Variants in SLC1A6 observed in about 807,000 individuals in gnomAD.
SLC1A6 encodes excitatory amino acid transporter 4.
In SLC1A6, 15 loss-of-function variants were observed where a neutral mutation model predicts 42.1. The observed-to-expected ratio is 0.36, with a 90% CI of 0.24 to 0.55. The LOEUF (loss-of-function observed/expected upper bound fraction) is 0.55. Ranked by LOEUF, SLC1A6 falls within the 20% of genes least tolerant of loss-of-function variation. The pLI is 0.88. For missense variants in SLC1A6, 542 were observed against 772.5 expected (o/e 0.70, Z 3.54); for synonymous variants, 317 against 319.7 (o/e 0.99, Z 0.09).
intron 1 of SLC1A6, among the ~76,000 whole-genome samples, chr19:14,995,145 C>A (rs1375672479): frequency 6.6e-6 from 1 of 151,476 alleles, no homozygotes; most frequent in African/African-American, 2.4e-5. Flanking sequence ...GCCAATATGG[C>A]GAAACTCCGT....
intron 1 of SLC1A6, among the ~76,000 whole-genome samples, chr19:15,008,843 CG>C (rs1439116717): frequency 3.5e-5 from 3 of 85,660 alleles, no homozygotes; most frequent in East Asian, 6.2e-4. Flanking sequence ...AAATAATTCG[CG>C]TTTTTTTTTT....
intron 9 of SLC1A6, among the ~76,000 whole-genome samples, chr19:14,951,109 G>T (rs2045407189): frequency 6.8e-6 from 1 of 147,592 alleles, no homozygotes; most frequent in African/African-American, 2.5e-5. Context: ...AATTAGCTGG[G>T]CATGGTGGCA....
chr19:14,986,603 T>C (rs2145228646), intron 1 of SLC1A6, among the ~76,000 whole-genome samples: 1 of 151,998 alleles, frequency 6.6e-6, no homozygotes, highest in African/African-American at 2.4e-5. Flanking sequence ...GGCTTTTTTT[T>C]TTTTTAAGAC....
At chr19:14,973,123 G>A (rs1347533932) in intron 1 of SLC1A6, 3 of 562,756 alleles carry the variant, frequency 5.3e-6, no homozygotes, top group Admixed American at 3.3e-5. Context: ...GTTCAAGACT[G>A]GCCTGGGCAG....
chr19:15,010,094 G>A (rs952358830), intron 1 of SLC1A6, among the ~76,000 whole-genome samples: 8 of 151,168 alleles, frequency 5.3e-5, no homozygotes, highest in Admixed American at 4.6e-4. Context: ...ACTGAGGCAG[G>A]AGAATCTCTT....
intron 1 of SLC1A6, among the ~76,000 whole-genome samples, chr19:14,998,699 A>C (rs2045858561): frequency 6.6e-6 from 1 of 152,130 alleles, no homozygotes; most frequent in African/African-American, 2.4e-5. Flanking sequence ...TTACTCTAAA[A>C]TGTATTTCTT....
chr19:14,965,551 T>C (rs372627735), intron 4 of SLC1A6, among the ~76,000 whole-genome samples: 84 of 152,066 alleles, frequency 5.5e-4, no homozygotes, highest in African/African-American at 2.0e-3. Flanking sequence ...TACTCAGCCA[T>C]GAAAAAGAAT....
chr19:15,010,636 T>C, upstream of SLC1A6: 1 of 669,842 alleles, frequency 1.5e-6, no homozygotes, highest in Non-Finnish European at 2.5e-6. Context: ...TAGGCCAAGT[T>C]CCAAAGCAAA....
chr19:14,965,667 T>A (rs112031945), intron 4 of SLC1A6, among the ~76,000 whole-genome samples: 3,946 of 151,820 alleles, frequency 0.026, 185 homozygotes, highest in African/African-American at 0.091. Flanking sequence ...CTGGCCAACA[T>A]GATGAAACGC....
intron 1 of SLC1A6, among the ~76,000 whole-genome samples, chr19:14,996,538 T>C (rs1362699543): frequency 2.8e-4 from 39 of 140,688 alleles, no homozygotes; most frequent in Admixed American, 1.5e-3. Context: ...TTTCTTCTTC[T>C]TCTTCTTCTT....
At chr19:14,989,127 C>T (rs10421752) in intron 1 of SLC1A6, among the ~76,000 whole-genome samples, 81,158 of 151,900 alleles carry the variant, frequency 0.53, 21,843 homozygotes, top group South Asian at 0.68. Flanking sequence ...GTGGGAGGGT[C>T]GGGGGCTGAG....
At chr19:14,962,966 G>A (rs1160075851) in intron 5 of SLC1A6, among the ~76,000 whole-genome samples, 2 of 152,094 alleles carry the variant, frequency 1.3e-5, no homozygotes, top group African/African-American at 4.8e-5. Context: ...ATATCCAAAG[G>A]AAATGAAATC....
Position 14,979,059 on chromosome 19 carries a change from C to T in SLC1A6, c.-8+250G>A, listed in dbSNP as rs1391440683. On this transcript the variant is annotated intron_variant, in intron 1 of 9. Transcript: ENST00000594383. This position sits in a 1 kb window ranked among gnomAD's most constrained non-coding sequence, Gnocchi z 4.2. ...TCTCTCTCTCTCTCTGTCACACACA[C>T]ACACACACACACACACACACACACA... Among the ~76,000 whole-genome samples, 1 of 69,058 alleles carries T rather than the reference C, an allele frequency of 1.4e-5. No homozygotes were observed. The highest frequency in any genetic ancestry group is 6.9e-5 in the African/African-American group (1 of 14,582). The allele number at this position is 69,058 out of a possible 152,430, so 45.3% of individuals were successfully genotyped here. A position where few individuals can be genotyped will look rare whatever the true frequency, so the allele number is the denominator to read the frequency against.
intron 2 of SLC1A6, 65 bp downstream of exon 2, chr19:14,972,641 C>A (rs759053311): frequency 1.3e-5 from 18 of 1,387,496 alleles, no homozygotes; most frequent in Non-Finnish European, 1.6e-5. Context: ...TGTGTAGAGG[C>A]CAGGAATTTC....
chr19:14,971,888 A>T lies in SLC1A6; in HGVS notation c.206-14T>A. ...CCAGGCTGACCCCTAGGGCCAAAAG[A>T]AGGGGTCCATGGACTGAAGTCTGGG... On this transcript the variant is annotated splice_polypyrimidine_tract_variant and intron_variant, in intron 2 of 9. Transcript: ENST00000594383. 6.2e-7 allele frequency: 1 copy of T among 1,613,778 alleles called. No homozygotes were observed. The highest frequency in any genetic ancestry group is 8.5e-7 in the Non-Finnish European group (1 of 1,179,864).
At chr19:14,982,553 C>T (rs959609625), upstream of SLC1A6, among the ~76,000 whole-genome samples, 3 of 152,090 alleles carry the variant, frequency 2.0e-5, no homozygotes, top group African/African-American at 7.2e-5. Flanking sequence ...GTAACAATAA[C>T]ATTTTGTTAA....
At chr19:15,001,734 C>T (rs1408125128) in intron 1 of SLC1A6, among the ~76,000 whole-genome samples, 8 of 152,158 alleles carry the variant, frequency 5.3e-5, no homozygotes, top group Non-Finnish European at 1.2e-4. Context: ...AATCAGGGCT[C>T]ATTGCAGCCT....
At chr19:14,977,646 T>G (rs8105139) in intron 1 of SLC1A6, 56,017 of 151,910 alleles carry the variant, frequency 0.37, 10,385 homozygotes, top group Middle Eastern at 0.4. Context: ...CCAGGCACGG[T>G]GGCCTGTGCC....
intron 4 of SLC1A6, 37 bp from the exon 5 acceptor site, chr19:14,964,398 C>A: frequency 6.3e-7 from 1 of 1,581,260 alleles, no homozygotes; most frequent in Non-Finnish European, 8.7e-7. Context: ...AGTGGTTAGA[C>A]CATGGAAGGG....
Sources: gnomAD v4.1 joint callset for allele counts (sites outside exome capture counted in the v4.1 genomes callset) on GRCh38, gnomAD v4.1.1 for gene constraint, Gnocchi (gnomAD v3.1) non-coding constraint, MANE v1.5 for transcripts, NCBI Gene and HGNC (gene_info 2026-07-23, HGNC 2026-07-21) for gene names.